Variants in RPRD1A observed in about 807,000 individuals in gnomAD.
RPRD1A encodes regulation of nuclear pre-mRNA domain containing 1A, also known as regulation of nuclear pre-mRNA domain-containing protein 1A.
In RPRD1A, 9 loss-of-function variants were observed where a neutral mutation model predicts 37.8. The ratio of observed to expected loss-of-function variants is 0.24; its 90% confidence interval spans 0.14 to 0.42. The LOEUF is 0.42. Among genes scored for constraint, RPRD1A ranks in the 10% least tolerant of loss-of-function variants. The pLI, the probability that RPRD1A is intolerant of heterozygous loss-of-function variation, is 1.00. For synonymous variants in RPRD1A, 138 were observed against 139.7 expected (o/e 0.99, Z 0.08); for missense variants, 255 against 371.0 (o/e 0.69, Z 2.57).
intron 4 of RPRD1A, 149 bp from the exon 5 acceptor site, chr18:36,027,459 T>A: frequency 3.9e-6 from 3 of 768,934 alleles, no homozygotes; most frequent in African/African-American, 1.8e-5. Flanking sequence ...ATTTCTTTCA[T>A]ATGTTAAGAA....
chr18:36,065,396 T>C (rs1315192193), intron 1 of RPRD1A, among the ~76,000 whole-genome samples: 3 of 152,230 alleles, frequency 2.0e-5, no homozygotes, highest in South Asian at 4.1e-4. Context: ...AACTTTTCGA[T>C]AGTATTACAT....
At position 35,993,178 on chromosome 18, in the gene RPRD1A, A is replaced by T; in HGVS notation, c.912T>A (p.Phe304Leu). 1.2e-6 allele frequency: 2 copies of T among 1,614,086 alleles called. No homozygotes were observed. Among genetic ancestry groups the T allele is most frequent in the Non-Finnish European group, 1.7e-6 (2 of 1,179,998 alleles). ...NVTGSHMHLPFAGDIYSED is the reference protein window; with the variant it reads ...NVTGSHMHLPLAGDIYSED Reference sequence around the variant, plus strand: ...AATCTTCACTGTAGATGTCTCCCGCAAAGGGCAGGTGCATGTGGCTGCCAG... The same window carrying T: ...AATCTTCACTGTAGATGTCTCCCGCTAAGGGCAGGTGCATGTGGCTGCCAG... The change falls in exon 7 of 7, where the codon TTT (phenylalanine) becomes TTA (leucine). Residue 304 changes from phenylalanine to leucine, a missense_variant. Coordinates refer to ENST00000399022, the MANE Select transcript of RPRD1A (RefSeq NM_018170.5).
chr18:36,007,343 A>C (rs1454834702), intron 6 of RPRD1A, among the ~76,000 whole-genome samples: 2 of 152,230 alleles, frequency 1.3e-5, no homozygotes, highest in Non-Finnish European at 2.9e-5. Context: ...AATGTGGATG[A>C]TACTTGTGAC....
intron 1 of RPRD1A, among the ~76,000 whole-genome samples, chr18:36,036,564 T>G (rs1217263750): frequency 6.6e-6 from 1 of 152,170 alleles, no homozygotes; most frequent in Non-Finnish European, 1.5e-5. Context: ...CACTTTTATC[T>G]TTGTAGGACC....
intron 6 of RPRD1A, among the ~76,000 whole-genome samples, chr18:36,014,746 AAAATAAATAAAT>A (rs552540850): frequency 1.6e-4 from 24 of 152,128 alleles, no homozygotes; most frequent in African/African-American, 5.8e-4. Context: ...CCGTCTCAAG[AAAATAAATAAAT>A]AAATAAATAA....
intron 1 of RPRD1A, among the ~76,000 whole-genome samples, chr18:36,046,944 G>GA (rs1389708549): frequency 6.6e-6 from 1 of 150,986 alleles, no homozygotes; most frequent in South Asian, 2.1e-4. Context: ...ACAGAATGGG[G>GA]AAAAAACCAT....
intron 6 of RPRD1A, among the ~76,000 whole-genome samples, chr18:36,023,061 G>A (rs150243195): frequency 1.2e-4 from 19 of 152,320 alleles, no homozygotes; most frequent in African/African-American, 4.6e-4. Flanking sequence ...CTGCTAACAC[G>A]TGTTCTGCCA....
At chr18:36,057,124 GGAGGATTGATT>G in intron 1 of RPRD1A, among the ~76,000 whole-genome samples, 1 of 150,300 alleles carries the variant, frequency 6.7e-6, no homozygotes, top group East Asian at 2.0e-4. Context: ...TAGCTACTCA[GGAGGATTGATT>G]GAGCCTGGGA....
intron 6 of RPRD1A, among the ~76,000 whole-genome samples, chr18:36,000,095 G>C (rs1335344996): frequency 6.6e-6 from 1 of 152,012 alleles, no homozygotes; most frequent in Admixed American, 6.6e-5. Context: ...CATGATGTCA[G>C]GGCGTTTCTG....
At chr18:36,023,406 T>A (rs1270952361) in intron 6 of RPRD1A, among the ~76,000 whole-genome samples, 1 of 152,222 alleles carries the variant, frequency 6.6e-6, no homozygotes, top group African/African-American at 2.4e-5. Flanking sequence ...AAGATGTGAC[T>A]GAACTGCTCC....
intron 1 of RPRD1A, among the ~76,000 whole-genome samples, chr18:36,065,536 A>T (rs893779399): frequency 6.6e-6 from 1 of 152,172 alleles, no homozygotes; most frequent in Non-Finnish European, 1.5e-5. Flanking sequence ...CAATTTTGTT[A>T]TTATGAAGCT....
At chr18:36,053,700 T>G in intron 1 of RPRD1A, among the ~76,000 whole-genome samples, 1 of 152,020 alleles carries the variant, frequency 6.6e-6, no homozygotes, top group East Asian at 1.9e-4. Flanking sequence ...AATTACTGGG[T>G]CATATAGTAA....
chr18:36,040,379 G>A (rs1233841576), intron 1 of RPRD1A, among the ~76,000 whole-genome samples: 1 of 152,154 alleles, frequency 6.6e-6, no homozygotes, highest in African/African-American at 2.4e-5. Flanking sequence ...TTAGTGAAAA[G>A]AATATTCTTG....
intron 1 of RPRD1A, among the ~76,000 whole-genome samples, chr18:36,050,822 G>C (rs566872114): frequency 6.6e-6 from 1 of 151,316 alleles, no homozygotes; most frequent in Non-Finnish European, 1.5e-5. Context: ...TGGGATTACA[G>C]GTGTGAGCTA....
chr18:36,015,427 G>A (rs1453497115), intron 6 of RPRD1A, among the ~76,000 whole-genome samples: 1 of 151,982 alleles, frequency 6.6e-6, no homozygotes, highest in Non-Finnish European at 1.5e-5. Context: ...TGGCCAGGCT[G>A]GTCTCAAACT....
intron 1 of RPRD1A, chr18:36,064,427 G>A (rs763709020): frequency 6.6e-6 from 1 of 152,422 alleles, no homozygotes; most frequent in South Asian, 2.1e-4. Flanking sequence ...TGGGGACTTG[G>A]AAAACTTTTC....
At chr18:36,024,069 T>C (rs1911190545) in intron 6 of RPRD1A, among the ~76,000 whole-genome samples, 1 of 152,200 alleles carries the variant, frequency 6.6e-6, no homozygotes, top group Non-Finnish European at 1.5e-5. Context: ...GTAAAATGAT[T>C]CCTATAGCAA....
At position 36,030,575 on chromosome 18, in the gene RPRD1A, A is replaced by T. The variant is rs551346180; in HGVS notation, c.486+233T>A. Among the ~76,000 whole-genome samples, 3 of 151,778 alleles carry T rather than the reference A, an allele frequency of 2.0e-5. No individual in the cohort carries two copies. The East Asian group carries it at 5.8e-4, about 29-fold the overall frequency. On this transcript the variant is annotated intron_variant, in intron 4 of 6. Coordinates refer to ENST00000399022, the MANE Select transcript of RPRD1A (RefSeq NM_018170.5). ...ATCTCACATCTAACCATATTTGGCA[A>T]TTAAAAATCCTCTTTCTATACAAAA...
At chr18:36,001,099 A>G (rs1177937827) in intron 6 of RPRD1A, among the ~76,000 whole-genome samples, 1 of 152,194 alleles carries the variant, frequency 6.6e-6, no homozygotes, top group African/African-American at 2.4e-5. Context: ...ATAACAGCAT[A>G]TAGGCCCCGT....
Sources: gnomAD v4.1 joint callset for allele counts (sites outside exome capture counted in the v4.1 genomes callset) on GRCh38, gnomAD v4.1.1 for gene constraint, MANE v1.5 for transcripts, NCBI Gene and HGNC (gene_info 2026-07-23, HGNC 2026-07-21) for gene names.